BRD1: variants seen among roughly 807,000 people sequenced by gnomAD.
The protein encoded by BRD1 is bromodomain-containing protein 1.
BRD1 carries 24 observed loss-of-function variants against 107.7 expected under a neutral mutation model. The observed-to-expected ratio is 0.22, with a 90% CI of 0.16 to 0.31. The LOEUF is 0.31. Ranked by LOEUF, BRD1 falls within the 10% of genes least tolerant of loss-of-function variation. The probability of loss-of-function intolerance (pLI) is 1.00; values close to 1 mark genes in which losing one functional copy is unlikely to be tolerated. For missense variants in BRD1, 1,279 were observed against 1,638.6 expected (o/e 0.78, Z 3.79); for synonymous variants, 744 against 686.1 (o/e 1.08, Z -1.32).
chr22:49,825,788 C>A (rs564889489), intron 1 of BRD1: 1 of 152,366 alleles, frequency 6.6e-6, no homozygotes, highest in African/African-American at 2.4e-5. Context: ...CTGTGAGTCC[C>A]GAAAGGAAAT....
chr22:49,778,647 C>G (rs973446941), intron 8 of BRD1, among the ~76,000 whole-genome samples: 1 of 152,136 alleles, frequency 6.6e-6, no homozygotes, highest in African/African-American at 2.4e-5. Flanking sequence ...GGTGTCAGAG[C>G]TAAAGGGGTG....
chr22:49,801,613 G>A (rs567916392), intron 3 of BRD1, among the ~76,000 whole-genome samples: 1 of 152,346 alleles, frequency 6.6e-6, no homozygotes, highest in African/African-American at 2.4e-5. Context: ...TCAAGTCCAG[G>A]CAGCTCCTTC....
In BRD1 at chr22:49,787,551, T is replaced by A. The variant is rs1414125431; in HGVS notation, c.2696A>T (p.Asn899Ile). Residue 899 changes from asparagine (N) to isoleucine (I), a missense_variant, in exon 8 of 13, where the codon AAC becomes ATC. Around this residue, in one of 7 missense-constraint regions of BRD1, gnomAD observed 263 missense variants for 251.6 expected, o/e 1.05. Coordinates refer to ENST00000404760, the MANE Select transcript of BRD1 (RefSeq NM_001304808.3). Reference protein sequence around the residue: ...KSVSPPKSAKNTETQPTSPQL... With the variant: ...KSVSPPKSAKITETQPTSPQL... Reference sequence around the variant, plus strand: ...AGGAGAAGTTGGCTGGGTTTCAGTGTTCTTGGCAGACTTTGGGGGGCTTAC... The same window carrying A: ...AGGAGAAGTTGGCTGGGTTTCAGTGATCTTGGCAGACTTTGGGGGGCTTAC... 1 of 1,600,964 alleles carries A rather than the reference T, an allele frequency of 6.2e-7. No individual in the cohort carries two copies.
In BRD1 at chr22:49,803,457, G is replaced by A. The variant is rs2059679711; in HGVS notation, c.1524+747C>T. 6.6e-6 allele frequency among the ~76,000 whole-genome samples: 1 copy of A among 152,252 alleles called. No individual in the cohort carries two copies. Among genetic ancestry groups the A allele is most frequent in the African/African-American group, 2.4e-5 (1 of 41,470 alleles). ...CTCCTCACTAGGCAGCGTGGGCAGAGGGCGCTGGCCGCAGGTCCTGGGCCG... is the reference window on the plus strand; with the variant it reads ...CTCCTCACTAGGCAGCGTGGGCAGAAGGCGCTGGCCGCAGGTCCTGGGCCG... On this transcript the variant is annotated intron_variant, in intron 3 of 12. Coordinates refer to ENST00000404760, the MANE Select transcript of BRD1 (RefSeq NM_001304808.3). The surrounding 1 kb of genome is among the most constrained non-coding windows in gnomAD (Gnocchi z 4.4).
In BRD1 at chr22:49,783,973, T is replaced by C. The variant is rs2059266675; in HGVS notation, c.2857+3417A>G. Reference sequence around the variant, plus strand: ...CTACCCAGCACATTAGTGGTTAAAGTGAGAACCTGGAAAACAGTGAAAAAG... The same window carrying C: ...CTACCCAGCACATTAGTGGTTAAAGCGAGAACCTGGAAAACAGTGAAAAAG... On this transcript the variant is annotated intron_variant, in intron 8 of 12. Transcript: ENST00000404760. The surrounding 1 kb of genome is among the most constrained non-coding windows in gnomAD (Gnocchi z 4.2). 6.6e-6 allele frequency among the ~76,000 whole-genome samples: 1 copy of C among 152,088 alleles called. No individual in the cohort carries two copies. The highest frequency in any genetic ancestry group is 1.5e-5 in the Non-Finnish European group (1 of 68,018).
In BRD1 at chr22:49,773,316, T is replaced by C. The variant is rs763449146; in HGVS notation, c.*917A>G. 3 of 152,164 alleles carry C rather than the reference T, an allele frequency of 2.0e-5. No individual in the cohort carries two copies. Among genetic ancestry groups the C allele is most frequent in the Non-Finnish European group, 2.9e-5 (2 of 68,020 alleles). 9.4% of individuals were successfully genotyped at this position (152,164 alleles called of 1,614,324 possible). ...TTGACTTTATTTTTAATATAAAAAA[T>C]GCAAATTTGGAAACCCACCCTACTT... On this transcript the variant is annotated 3_prime_UTR_variant, in exon 13 of 13. Coordinates refer to ENST00000404760, the MANE Select transcript of BRD1 (RefSeq NM_001304808.3).
Position 49,823,980 on chromosome 22 carries a change from G to A in BRD1, c.338C>T (p.Ser113Leu), listed in dbSNP as rs141173800. 1.6e-5 allele frequency: 26 copies of A among 1,613,890 alleles called. No individual in the cohort carries two copies. The highest frequency in any genetic ancestry group is 2.2e-5 in the East Asian group (1 of 44,894). ...CTTGGGCTCCGGGAGGGCACTGGCC[G>A]AGGCCGGCGTGCCGTGGGCGCTGGG... is the stretch of plus-strand genomic sequence containing the variant. ...ALPSAHGTPA[S>L]ASALPEPKVR... The change falls in exon 2 of 13, where the codon TCG (serine) becomes TTG (leucine). Residue 113 changes from serine to leucine, a missense_variant. Physicochemically the swap from Ser to Leu is moderately radical, Grantham distance 145. Transcript: ENST00000404760.
chr22:49,817,170 C>A, intron 2 of BRD1: 1 of 152,812 alleles, frequency 6.5e-6, no homozygotes. Context: ...CCTCAAGCTC[C>A]AGGAATGGCT....
Position 49,783,974 on chromosome 22 carries a change from G to A in BRD1, c.2857+3416C>T, listed in dbSNP as rs2059266725. 6.6e-6 allele frequency among the ~76,000 whole-genome samples: 1 copy of A among 152,216 alleles called. No homozygotes were observed. The highest frequency in any genetic ancestry group is 2.4e-5 in the African/African-American group (1 of 41,450). On this transcript the variant is annotated intron_variant, in intron 8 of 12. Transcript: ENST00000404760. The surrounding 1 kb of genome is among the most constrained non-coding windows in gnomAD (Gnocchi z 4.2). ...TACCCAGCACATTAGTGGTTAAAGTGAGAACCTGGAAAACAGTGAAAAAGC... is the reference window on the plus strand; with the variant it reads ...TACCCAGCACATTAGTGGTTAAAGTAAGAACCTGGAAAACAGTGAAAAAGC...
chr22:49,797,881 G>A lies in BRD1; in HGVS notation c.2022C>T (p.Gly674=). The change falls in exon 6 of 13, where the codon GGC becomes GGT. Residue 674 remains glycine (G), a synonymous_variant. Coordinates refer to ENST00000404760, the MANE Select transcript of BRD1 (RefSeq NM_001304808.3). ...GGTGCATCCCCGAGGCCTCTTCCAA[G>A]CCGATGCTGTCCACCTCGCGCCGGG... ...RQARREVDSI[G]LEEASGMHLP... 2 of 1,613,794 alleles carry A rather than the reference G, an allele frequency of 1.2e-6. No homozygotes were observed. Among genetic ancestry groups the A allele is most frequent in the Admixed American group, 1.7e-5 (1 of 60,030 alleles).
chr22:49,827,269 C>T (rs1336945758), intron 1 of BRD1, among the ~76,000 whole-genome samples: 2 of 149,240 alleles, frequency 1.3e-5, no homozygotes, highest in Admixed American at 6.6e-5. Context: ...CCCGTCTTCC[C>T]GCCCGTCTCC....
chr22:49,779,904 C>T (rs1004939142), intron 8 of BRD1, among the ~76,000 whole-genome samples: 5 of 152,262 alleles, frequency 3.3e-5, no homozygotes, highest in South Asian at 2.1e-4. Context: ...GGTCTGCCAA[C>T]GCGTGTGACC....
chr22:49,791,957 T>C (rs1023198484), intron 7 of BRD1, among the ~76,000 whole-genome samples: 34 of 151,562 alleles, frequency 2.2e-4, no homozygotes, highest in African/African-American at 7.5e-4. Context: ...AGAAAAAAAA[T>C]AAAAATAAAA....
rs1213481101 is a variant in BRD1 at position 49,797,810 on chromosome 22, T to A, written c.2093A>T (p.Glu698Val). 5 of 1,596,236 alleles carry A rather than the reference T, an allele frequency of 3.1e-6. No individual in the cohort carries two copies. Among genetic ancestry groups the A allele is most frequent in the Non-Finnish European group, 4.3e-6 (5 of 1,172,150 alleles). ...GACACGGCGCCAGTTCTTACCGTCT[T>A]CCCAGGAGAAAGGCCGCCGCGGTGC... ...AAAPRRPFSW[E>V]DVDRLLDPAN... Residue 698 changes from glutamate to valine, a missense_variant, in exon 6 of 13, where the codon GAA (glutamate) becomes GTA (valine). Transcript: ENST00000404760.
intron 2 of BRD1, among the ~76,000 whole-genome samples, chr22:49,819,132 C>G (rs2060013565): frequency 6.6e-6 from 1 of 151,886 alleles, no homozygotes. Context: ...CCGTGGCACA[C>G]ACCTGTAGTC....
At chr22:49,826,779 C>T (rs1314753305) in intron 1 of BRD1, among the ~76,000 whole-genome samples, 5 of 152,218 alleles carry the variant, frequency 3.3e-5, no homozygotes, top group African/African-American at 1.2e-4. Flanking sequence ...CAGACACGGG[C>T]GGCCGCGCTT....
chr22:49,783,214 G>C lies in BRD1; in HGVS notation c.2857+4176C>G, dbSNP rs75263111. ...GACAGACGCCTGCACAAGATCCCACGCACAGATGCCCCACCCCACGAGCAG... is the reference window on the plus strand; with the variant it reads ...GACAGACGCCTGCACAAGATCCCACCCACAGATGCCCCACCCCACGAGCAG... On this transcript the variant is annotated intron_variant, in intron 8 of 12. Coordinates refer to ENST00000404760, the MANE Select transcript of BRD1 (RefSeq NM_001304808.3). The surrounding 1 kb of genome is among the most constrained non-coding windows in gnomAD (Gnocchi z 4.2). 1.3e-5 allele frequency among the ~76,000 whole-genome samples: 2 copies of C among 152,232 alleles called. No homozygotes were observed. Among genetic ancestry groups the C allele is most frequent in the African/African-American group, 4.8e-5 (2 of 41,444 alleles).
chr22:49,824,637 G>A lies in BRD1; in HGVS notation c.-14-306C>T. The A allele has an allele frequency of 8.5e-7, 1 of 1,176,166 alleles. No individual in the cohort carries two copies. Among genetic ancestry groups the A allele is most frequent in the Non-Finnish European group, 1.1e-6 (1 of 944,650 alleles). 72.9% of individuals were successfully genotyped at this position (1,176,166 alleles called of 1,614,324 possible). A position where few individuals can be genotyped will look rare whatever the true frequency, so the allele number is the denominator to read the frequency against. ...ACACCAACAGGCTGCGGAGACCACA[G>A]CAACGCTCCCCAAGGAGGAGGGGTC... On this transcript the variant is annotated intron_variant, in intron 1 of 12. Coordinates refer to ENST00000404760, the MANE Select transcript of BRD1 (RefSeq NM_001304808.3). This position sits in a 1 kb window ranked among gnomAD's most constrained non-coding sequence, Gnocchi z 5.9.
At chr22:49,775,841 T>G in intron 11 of BRD1, 96 bp from the exon 12 acceptor site, 1 of 943,624 alleles carries the variant, frequency 1.1e-6, no homozygotes, top group Non-Finnish European at 1.3e-6. Context: ...CCACCCCAGC[T>G]GTGTGAGCCT....
Sources: gnomAD v4.1 joint callset for allele counts (sites outside exome capture counted in the v4.1 genomes callset) on GRCh38, gnomAD v4.1.1 for gene constraint, gnomAD v4.1.1 regional missense constraint, Gnocchi (gnomAD v3.1) non-coding constraint, MANE v1.5 for transcripts, NCBI Gene and HGNC (gene_info 2026-07-23, HGNC 2026-07-21) for gene names.